Variants in AGBL1 observed in about 807,000 individuals in gnomAD.
AGBL1 encodes the protein cytosolic carboxypeptidase 4.
In AGBL1, 130 loss-of-function variants were observed where a neutral mutation model predicts 118.9. The observed-to-expected ratio is 1.09, with a 90% CI of 0.95 to 1.26. The LOEUF (loss-of-function observed/expected upper bound fraction) is 1.26. Among genes scored for constraint, AGBL1 ranks in the 50% most tolerant of loss-of-function variants. The pLI is 0.00. For synonymous variants in AGBL1, 555 were observed against 478.9 expected (o/e 1.16, Z -2.08); for missense variants, 1,584 against 1,298.1 (o/e 1.22, Z -3.38).
intron 22 of AGBL1, among the ~76,000 whole-genome samples, chr15:86,874,314 T>C (rs1276436472): frequency 6.6e-6 from 1 of 151,974 alleles, no homozygotes; most frequent in East Asian, 1.9e-4. Context: ...GTGCTATGCT[T>C]CTCAACTTCA....
Position 86,827,485 on chromosome 15 carries a change from GTGTGTATATATATATATA to G in AGBL1, c.3159-79600_3159-79583del, listed in dbSNP as rs2079042187. 5.9e-3 allele frequency among the ~76,000 whole-genome samples: 23 copies of G among 3,870 alleles called. 1 individual carries two copies. Among genetic ancestry groups the G allele is most frequent in the African/African-American group, 0.014 (17 of 1,188 alleles). The allele number at this position is 3,870 out of a possible 152,430, so 2.5% of individuals were successfully genotyped here. On this transcript the variant is annotated intron_variant, in intron 22 of 22. Transcript: ENST00000614907. ...TATATATATACATATATATATATAT[GTGTGTATATATATATATA>G]TATATATATATATATATAGCCTGTG...
At chr15:86,874,016 G>T (rs2079768008) in intron 22 of AGBL1, among the ~76,000 whole-genome samples, 1 of 152,052 alleles carries the variant, frequency 6.6e-6, no homozygotes, top group Admixed American at 6.6e-5. Context: ...TCTTTTCTCA[G>T]TTTTTAAATC....
chr15:86,735,065 C>A lies in AGBL1; in HGVS notation c.3158+60629C>A, dbSNP rs1425706810. Among the ~76,000 whole-genome samples, 1,095 of 147,790 alleles carry A rather than the reference C, an allele frequency of 7.4e-3. 4 individuals are homozygous for A. Among genetic ancestry groups the A allele is most frequent in the African/African-American group, 0.023 (931 of 40,796 alleles). ...GTGAAATAAAGATGTTGTTTCTTGG[C>A]ATATAGTTATAATAATAATTATTAT... is the stretch of plus-strand genomic sequence containing the variant. On this transcript the variant is annotated intron_variant, in intron 22 of 22. Transcript: ENST00000614907.
chr15:86,085,472 G>A (rs1895581740), intron 1 of AGBL1, among the ~76,000 whole-genome samples: 1 of 152,182 alleles, frequency 6.6e-6, no homozygotes, highest in South Asian at 2.1e-4. Flanking sequence ...GCGTGTGAGT[G>A]GTGGAGTTGC....
intron 22 of AGBL1, among the ~76,000 whole-genome samples, chr15:86,864,742 A>G (rs1454800022): frequency 2.0e-5 from 3 of 152,116 alleles, no homozygotes. Context: ...TTCAACAAAC[A>G]CGTGTTCAAA....
At position 86,827,353 on chromosome 15, in the gene AGBL1, ATATATATATGTGTGTG is replaced by A. The variant is rs1567194478; in HGVS notation, c.3159-79724_3159-79709del. ...TATATATATATGTGTATATATATAT[ATATATATATGTGTGTG>A]TATATATATATATACACATATATAT... On this transcript the variant is annotated intron_variant, in intron 22 of 22. Transcript: ENST00000614907. 4.4e-4 allele frequency among the ~76,000 whole-genome samples: 5 copies of A among 11,268 alleles called. 1 individual carries two copies. The highest frequency in any genetic ancestry group is 2.8e-3 in the African/African-American group (3 of 1,082). 7.4% of individuals were successfully genotyped at this position (11,268 alleles called of 152,430 possible).
chr15:86,546,781 T>C (rs2083589611), intron 20 of AGBL1, among the ~76,000 whole-genome samples: 1 of 152,174 alleles, frequency 6.6e-6, no homozygotes, highest in Non-Finnish European at 1.5e-5. Context: ...GGAGTACTTC[T>C]TCCCATCAGG....
chr15:86,216,989 C>A (rs1002523455), intron 5 of AGBL1, among the ~76,000 whole-genome samples: 1 of 152,166 alleles, frequency 6.6e-6, no homozygotes, highest in Non-Finnish European at 1.5e-5. Context: ...GCATGACAAC[C>A]ACTTCCTCTC....
intron 24 of AGBL1, among the ~76,000 whole-genome samples, chr15:86,996,795 G>A (rs946821777): frequency 6.6e-6 from 1 of 152,064 alleles, no homozygotes; most frequent in Non-Finnish European, 1.5e-5. Flanking sequence ...CAATAGCAAC[G>A]CTATTGCTCA....
chr15:86,979,693 TAGGGTTTCACCGTGTTAGCC>T (rs1351274500), intron 23 of AGBL1, among the ~76,000 whole-genome samples: 1 of 151,742 alleles, frequency 6.6e-6, no homozygotes, highest in African/African-American at 2.4e-5. Context: ...TTAGTAGAGA[TAGGGTTTCACCGTGTTAGCC>T]AGGATGGTCT....
At chr15:86,919,290 T>C (rs1380586999), downstream of AGBL1, among the ~76,000 whole-genome samples, 1 of 152,222 alleles carries the variant, frequency 6.6e-6, no homozygotes, top group Non-Finnish European at 1.5e-5. Flanking sequence ...TACCTTTTCC[T>C]GTCTCTGTTG....
At chr15:86,764,293 G>A (rs2078066694) in intron 22 of AGBL1, among the ~76,000 whole-genome samples, 1 of 152,036 alleles carries the variant, frequency 6.6e-6, no homozygotes, top group African/African-American at 2.4e-5. Flanking sequence ...GTGATACAAT[G>A]TAAGCTGTAT....
At chr15:86,425,367 T>G (rs1481377387) in intron 18 of AGBL1, among the ~76,000 whole-genome samples, 1 of 150,110 alleles carries the variant, frequency 6.7e-6, no homozygotes, top group Non-Finnish European at 1.5e-5. Flanking sequence ...GGCAGGGGAG[T>G]ATCACACACC....
At chr15:86,862,245 T>C (rs1229288086) in intron 22 of AGBL1, among the ~76,000 whole-genome samples, 1 of 152,204 alleles carries the variant, frequency 6.6e-6, no homozygotes. Context: ...CCAGCATTTA[T>C]AGGCAGAACA....
chr15:86,500,517 A>T (rs1244078748), intron 18 of AGBL1, among the ~76,000 whole-genome samples: 2 of 484 alleles, frequency 4.1e-3, no homozygotes, highest in Non-Finnish European at 3.8e-3. Context: ...TCAGGATATA[A>T]TTCATATACC....
chr15:86,452,598 A>AT (rs2082208771), intron 18 of AGBL1, among the ~76,000 whole-genome samples: 1 of 152,190 alleles, frequency 6.6e-6, no homozygotes, highest in Non-Finnish European at 1.5e-5. Context: ...ACCCTGTCAC[A>AT]TCCTAGTGCA....
chr15:86,720,641 G>A (rs2142718761), intron 22 of AGBL1, among the ~76,000 whole-genome samples: 1 of 152,310 alleles, frequency 6.6e-6, no homozygotes, highest in East Asian at 1.9e-4. Context: ...TGTCAGACAA[G>A]TATGATAGAA....
At chr15:86,647,857 T>C in intron 21 of AGBL1, among the ~76,000 whole-genome samples, 1 of 152,168 alleles carries the variant, frequency 6.6e-6, no homozygotes. Context: ...ATTGAGAAGA[T>C]GAAATTTGGG....
intron 18 of AGBL1, among the ~76,000 whole-genome samples, chr15:86,468,250 T>C (rs1291019997): frequency 6.6e-6 from 1 of 152,144 alleles, no homozygotes; most frequent in East Asian, 1.9e-4. Flanking sequence ...ATACCTTTTT[T>C]CTAACTGGTC....
Sources: allele counts gnomAD v4.1 joint callset (sites outside exome capture counted in the v4.1 genomes callset), GRCh38; gene constraint gnomAD v4.1.1; transcripts MANE v1.5; gene names NCBI Gene and HGNC (gene_info 2026-07-23, HGNC 2026-07-21).